EPHA5: variants seen among roughly 807,000 people sequenced by gnomAD.
The protein encoded by EPHA5 is ephrin type-A receptor 5.
Under a neutral mutation model 105.0 loss-of-function variants are expected in EPHA5, and 60 were observed. The ratio of observed to expected loss-of-function variants is 0.57; its 90% confidence interval spans 0.46 to 0.71. The LOEUF (loss-of-function observed/expected upper bound fraction) is 0.71, where lower values mean the gene tolerates loss of function less well. Ranked by LOEUF, EPHA5 falls within the 30% of genes least tolerant of loss-of-function variation. EPHA5 has a pLI of 0.00. For missense variants in EPHA5, 1,218 were observed against 1,274.7 expected (o/e 0.96, Z 0.68); for synonymous variants, 513 against 449.1 (o/e 1.14, Z -1.80).
intron 8 of EPHA5, among the ~76,000 whole-genome samples, chr4:65,376,227 A>C (rs1718989685): frequency 6.6e-6 from 1 of 152,008 alleles, no homozygotes. Flanking sequence ...TTCTGACTAC[A>C]AATGACACTG....
intron 8 of EPHA5, among the ~76,000 whole-genome samples, chr4:65,373,807 C>T (rs1560466866): frequency 6.6e-6 from 1 of 151,742 alleles, no homozygotes; most frequent in Admixed American, 6.6e-5. Context: ...TTTTCCCTTG[C>T]CATTTAAATC....
chr4:65,352,171 G>A (rs191508246), intron 12 of EPHA5, among the ~76,000 whole-genome samples: 3 of 152,084 alleles, frequency 2.0e-5, no homozygotes, highest in South Asian at 2.1e-4. Context: ...AAGGAATGGC[G>A]TGACTCTAAG....
At chr4:65,438,636 C>T (rs1430051183) in intron 5 of EPHA5, among the ~76,000 whole-genome samples, 1 of 151,676 alleles carries the variant, frequency 6.6e-6, no homozygotes, top group Admixed American at 6.6e-5. Flanking sequence ...GGAAACTCTT[C>T]CATTGGACAA....
At chr4:65,338,523 C>T (rs1721400001) in intron 14 of EPHA5, among the ~76,000 whole-genome samples, 2 of 151,838 alleles carry the variant, frequency 1.3e-5, no homozygotes, top group South Asian at 2.1e-4. Flanking sequence ...CAGATGTTTA[C>T]CTTAAACACC....
chr4:65,404,310 T>TGGTCAGATCAAGGTGAGGAAGA, intron 8 of EPHA5, 64 bp downstream of exon 8: 1 of 1,381,892 alleles, frequency 7.2e-7, no homozygotes, highest in Non-Finnish European at 1.0e-6. Context: ...AACAGCCAAA[T>TGGTCAGATCAAGGTGAGGAAGA]GGTCAGATCA....
At chr4:65,324,711 A>C (rs936005791) in intron 16 of EPHA5, among the ~76,000 whole-genome samples, 1 of 150,328 alleles carries the variant, frequency 6.7e-6, no homozygotes, top group African/African-American at 2.4e-5. Context: ...GGAGATAATC[A>C]CCACTACATT....
chr4:65,542,923 C>A (rs540013168), intron 3 of EPHA5, among the ~76,000 whole-genome samples: 1 of 151,976 alleles, frequency 6.6e-6, no homozygotes, highest in African/African-American at 2.4e-5. Context: ...TCAATATATG[C>A]AAATCAATAA....
intron 5 of EPHA5, among the ~76,000 whole-genome samples, chr4:65,481,831 C>G (rs1460829394): frequency 6.6e-6 from 1 of 152,184 alleles, no homozygotes; most frequent in Non-Finnish European, 1.5e-5. Flanking sequence ...CAATGTGCTA[C>G]TTCTGGTAGC....
chr4:65,553,959 CAT>C (rs1738162268), intron 3 of EPHA5, among the ~76,000 whole-genome samples: 1 of 151,854 alleles, frequency 6.6e-6, no homozygotes, highest in Non-Finnish European at 1.5e-5. Flanking sequence ...ACAAAGCAGA[CAT>C]ATATAAAAAA....
chr4:65,443,147 TG>T (rs1726178098), intron 5 of EPHA5, among the ~76,000 whole-genome samples: 1 of 152,156 alleles, frequency 6.6e-6, no homozygotes, highest in African/African-American at 2.4e-5. Context: ...TGTAGTATCC[TG>T]GGGTTTGCCC....
chr4:65,557,801 A>G (rs1738603752), intron 3 of EPHA5, among the ~76,000 whole-genome samples: 1 of 152,130 alleles, frequency 6.6e-6, no homozygotes, highest in Non-Finnish European at 1.5e-5. Flanking sequence ...TGAGTTCAAA[A>G]ACGAAAATGC....
At chr4:65,519,027 G>C (rs1453972167) in intron 3 of EPHA5, among the ~76,000 whole-genome samples, 1 of 151,994 alleles carries the variant, frequency 6.6e-6, no homozygotes, top group African/African-American at 2.4e-5. Flanking sequence ...GAGAATTTTA[G>C]ACCAATATCC....
At chr4:65,460,619 G>A (rs1728033240) in intron 5 of EPHA5, among the ~76,000 whole-genome samples, 1 of 151,514 alleles carries the variant, frequency 6.6e-6, no homozygotes, top group South Asian at 2.1e-4. Context: ...TTAAAATATA[G>A]CAATATTACT....
intron 11 of EPHA5, among the ~76,000 whole-genome samples, chr4:65,355,340 C>G (rs1723197634): frequency 6.6e-6 from 1 of 151,538 alleles, no homozygotes; most frequent in Admixed American, 6.6e-5. Context: ...GGCTCAAGAA[C>G]AGATCAGGAA....
At chr4:65,360,823 C>A (rs540516842) in intron 11 of EPHA5, among the ~76,000 whole-genome samples, 35 of 151,338 alleles carry the variant, frequency 2.3e-4, no homozygotes, top group Non-Finnish European at 4.4e-4. Context: ...ATTTTAATTT[C>A]TTTCTTTTTT....
intron 3 of EPHA5, among the ~76,000 whole-genome samples, chr4:65,505,669 C>T (rs545084261): frequency 6.6e-6 from 1 of 152,122 alleles, no homozygotes; most frequent in South Asian, 2.1e-4. Context: ...CCGTGCCTTG[C>T]AAATTTTTCA....
intron 3 of EPHA5, among the ~76,000 whole-genome samples, chr4:65,531,972 A>G (rs1735849168): frequency 6.6e-6 from 1 of 152,226 alleles, no homozygotes; most frequent in African/African-American, 2.4e-5. Context: ...GAGGCTTAAT[A>G]TGCTTAAATA....
intron 6 of EPHA5, 97 bp from the exon 7 acceptor site, chr4:65,414,540 C>A: frequency 1.5e-6 from 2 of 1,292,776 alleles, no homozygotes; most frequent in South Asian, 1.4e-5. Flanking sequence ...AATCAGAAAC[C>A]AAAGGACTCT....
At chr4:65,354,945 C>T (rs1003154675) in intron 11 of EPHA5, among the ~76,000 whole-genome samples, 6 of 151,764 alleles carry the variant, frequency 4.0e-5, no homozygotes, top group African/African-American at 1.4e-4. Flanking sequence ...AGCCACATTT[C>T]CTCGTCCTCT....
Sources: gnomAD v4.1 joint callset for allele counts (sites outside exome capture counted in the v4.1 genomes callset) on GRCh38, gnomAD v4.1.1 for gene constraint, MANE v1.5 for transcripts, NCBI Gene and HGNC (gene_info 2026-07-23, HGNC 2026-07-21) for gene names.